Variants in NARS2 observed in about 807,000 individuals in gnomAD.
NARS2 encodes the protein asparaginyl-tRNA synthetase 2, mitochondrial, also known as asparaginyl-tRNA synthetase.
In NARS2, 60 loss-of-function variants were observed where a neutral mutation model predicts 62.9. That is an observed-to-expected ratio of 0.95 (90% CI 0.77 to 1.18). The LOEUF (loss-of-function observed/expected upper bound fraction) is 1.18. Among genes scored for constraint, NARS2 ranks in the 50% most tolerant of loss-of-function variants. The pLI, the probability that NARS2 is intolerant of heterozygous loss-of-function variation, is 0.00. For missense variants in NARS2, 619 were observed against 576.4 expected (o/e 1.07, Z -0.76); for synonymous variants, 196 against 200.0 (o/e 0.98, Z 0.17).
chr11:78,481,810 A>G (rs1004905923), intron 7 of NARS2, among the ~76,000 whole-genome samples: 1 of 152,204 alleles, frequency 6.6e-6, no homozygotes, highest in Non-Finnish European at 1.5e-5. Flanking sequence ...AAGGAAAGTA[A>G]TTTGTAAAAG....
chr11:78,571,731 A>C (rs1307394241), intron 1 of NARS2: 1 of 257,426 alleles, frequency 3.9e-6, no homozygotes, highest in Non-Finnish European at 7.6e-6. Context: ...AATCCTCCCA[A>C]TATTGGCAAT....
At chr11:78,472,748 T>C (rs1858928765) in intron 9 of NARS2, among the ~76,000 whole-genome samples, 1 of 152,242 alleles carries the variant, frequency 6.6e-6, no homozygotes, top group African/African-American at 2.4e-5. Flanking sequence ...TTTTCTTTTC[T>C]CTTTACTGTT....
At chr11:78,553,003 T>C (rs1343461058) in intron 5 of NARS2, among the ~76,000 whole-genome samples, 1 of 152,230 alleles carries the variant, frequency 6.6e-6, no homozygotes, top group Admixed American at 6.5e-5. Flanking sequence ...CAAATGGTAG[T>C]TCTGCTTTTA....
At chr11:78,442,174 A>C (rs998629222) in intron 12 of NARS2, among the ~76,000 whole-genome samples, 19 of 152,174 alleles carry the variant, frequency 1.2e-4, no homozygotes, top group African/African-American at 4.6e-4. Context: ...CAGACCAATT[A>C]ATCTTTCAAC....
At chr11:78,566,377 T>G in intron 3 of NARS2, 105 bp from the exon 4 acceptor site, 1 of 858,432 alleles carries the variant, frequency 1.2e-6, no homozygotes, top group Non-Finnish European at 1.7e-6. Flanking sequence ...CAAACTAAGA[T>G]CCTTTCCTTC....
intron 7 of NARS2, among the ~76,000 whole-genome samples, chr11:78,489,184 C>A (rs1181020092): frequency 6.6e-6 from 1 of 151,828 alleles, no homozygotes; most frequent in Non-Finnish European, 1.5e-5. Flanking sequence ...ACACAGAAAC[C>A]ACACATCCAA....
intron 11 of NARS2, among the ~76,000 whole-genome samples, chr11:78,448,579 G>A (rs564168647): frequency 2.5e-4 from 38 of 152,226 alleles, no homozygotes; most frequent in Middle Eastern, 3.4e-3. Context: ...CCAAAGTGCT[G>A]GGATTACAGA....
chr11:78,455,937 C>T (rs935371453), intron 11 of NARS2, among the ~76,000 whole-genome samples: 18 of 151,876 alleles, frequency 1.2e-4, no homozygotes, highest in African/African-American at 3.4e-4. Context: ...GCTTGCCACA[C>T]GGGTACTCAA....
Position 78,443,718 on chromosome 11 carries a change from A to G in NARS2, c.1205T>C (p.Leu402Pro). 6.2e-7 allele frequency: 1 copy of G among 1,613,904 alleles called. No individual in the cohort carries two copies. The highest frequency in any genetic ancestry group is 8.5e-7 in the Non-Finnish European group (1 of 1,179,872). Residue 402 changes from leucine (L) to proline (P), a missense_variant, in exon 12 of 14, where the codon CTC (leucine) becomes CCC (proline). By Grantham distance (98) the Leu-to-Pro change is moderately conservative. Coordinates refer to ENST00000281038, the MANE Select transcript of NARS2 (RefSeq NM_024678.6). ...VDLLVPGVGE[L>P]FGGGLREERY... ...TTCTTCTCTGAGGCCTCCTCCAAAG[A>G]GTTCCCCAACTCCAGGAACCAGAAG...
intron 6 of NARS2, among the ~76,000 whole-genome samples, chr11:78,511,369 T>C (rs1476715568): frequency 6.6e-6 from 1 of 152,180 alleles, no homozygotes; most frequent in African/African-American, 2.4e-5. Flanking sequence ...ATAAGCCATG[T>C]CACCCAGCCT....
intron 11 of NARS2, among the ~76,000 whole-genome samples, chr11:78,458,352 A>G (rs1591143051): frequency 6.6e-6 from 1 of 152,178 alleles, no homozygotes; most frequent in Admixed American, 6.5e-5. Context: ...AAACACAGCT[A>G]TCTACTTTTC....
chr11:78,549,059 C>T (rs1450447535), intron 5 of NARS2, among the ~76,000 whole-genome samples: 1 of 152,232 alleles, frequency 6.6e-6, no homozygotes, highest in Admixed American at 6.5e-5. Flanking sequence ...CTCACAGCCA[C>T]CTGTAGCTGA....
At chr11:78,569,047 A>G (rs1856832883) in intron 2 of NARS2, among the ~76,000 whole-genome samples, 1 of 152,234 alleles carries the variant, frequency 6.6e-6, no homozygotes, top group Non-Finnish European at 1.5e-5. Context: ...ACACTTTTTA[A>G]AAGATTACAG....
intron 5 of NARS2, among the ~76,000 whole-genome samples, chr11:78,556,453 C>T (rs1438505332): frequency 6.6e-6 from 1 of 152,172 alleles, no homozygotes; most frequent in Non-Finnish European, 1.5e-5. Context: ...TTCACGTTAC[C>T]TTCTGAGAAG....
chr11:78,437,898 C>T (rs1324713149), intron 13 of NARS2, among the ~76,000 whole-genome samples: 3 of 143,546 alleles, frequency 2.1e-5, no homozygotes, highest in Non-Finnish European at 4.5e-5. Context: ...TCGCTTGAAC[C>T]TGGGAAGTGG....
At chr11:78,478,555 G>T (rs746483352) in intron 8 of NARS2, 30 bp downstream of exon 8, 4 of 1,412,664 alleles carry the variant, frequency 2.8e-6, no homozygotes, top group Non-Finnish European at 3.0e-6. Context: ...AACAGTAGAT[G>T]TATTGGGCTT....
At chr11:78,556,353 T>C (rs1357342698) in intron 5 of NARS2, among the ~76,000 whole-genome samples, 2 of 152,166 alleles carry the variant, frequency 1.3e-5, no homozygotes, top group Non-Finnish European at 2.9e-5. Flanking sequence ...CATAAAGCAA[T>C]TCCACCTTAT....
intron 6 of NARS2, among the ~76,000 whole-genome samples, chr11:78,500,600 A>T (rs965724279): frequency 6.6e-6 from 1 of 152,070 alleles, no homozygotes; most frequent in African/African-American, 2.4e-5. Flanking sequence ...CAGCCTCTTG[A>T]GTAGCGAGGA....
At position 78,463,713 on chromosome 11, in the gene NARS2, C is replaced by CAAAA. The variant is rs10649252; in HGVS notation, c.1164+2159_1164+2162dup. 9.7e-3 allele frequency among the ~76,000 whole-genome samples: 465 copies of CAAAA among 47,816 alleles called. 24 individuals carry two copies. The highest frequency in any genetic ancestry group is 0.026 in the African/African-American group (325 of 12,524). 31.4% of individuals were successfully genotyped at this position (47,816 alleles called of 152,430 possible). A position where few individuals can be genotyped will look rare whatever the true frequency, so the allele number is the denominator to read the frequency against. On this transcript the variant is annotated intron_variant, in intron 11 of 13. Coordinates refer to ENST00000281038, the MANE Select transcript of NARS2 (RefSeq NM_024678.6). ...AAAAAAAGACAACTATAGTTAAGGT[C>CAAAA]AAAAAAAAAAAAAAAAAAAAAAAAC...
Sources: allele counts gnomAD v4.1 joint callset (sites outside exome capture counted in the v4.1 genomes callset), GRCh38; gene constraint gnomAD v4.1.1; transcripts MANE v1.5; gene names NCBI Gene and HGNC (gene_info 2026-07-23, HGNC 2026-07-21).